PRKG1: variants seen among roughly 807,000 people sequenced by gnomAD.
PRKG1 encodes the protein cGMP-dependent protein kinase 1.
Under a neutral mutation model 88.1 loss-of-function variants are expected in PRKG1, and 35 were observed. That is an observed-to-expected ratio of 0.40 (90% confidence interval 0.30 to 0.53). The LOEUF (loss-of-function observed/expected upper bound fraction) is 0.53, where lower values mean the gene tolerates loss of function less well. Among genes scored for constraint, PRKG1 ranks in the 20% least tolerant of loss-of-function variants. PRKG1 has a pLI of 0.59. For missense variants in PRKG1, 540 were observed against 839.8 expected, an observed-to-expected ratio of 0.64 and a Z score of 4.41; for synonymous variants, 303 against 292.5, an observed-to-expected ratio of 1.04 and a Z score of -0.37.
At chr10:51,362,107 G>A (rs866888787) in intron 2 of PRKG1, among the ~76,000 whole-genome samples, 26 of 151,736 alleles carry the variant, frequency 1.7e-4, no homozygotes, top group Non-Finnish European at 2.9e-4. Flanking sequence ...TAATTGGCAT[G>A]CAACTGAAAG....
In PRKG1 at chr10:51,639,436, CAAAAAAAAAAAAAAAAAAAAAAAAA is replaced by C. The variant is rs769304908; in HGVS notation, c.593-165131_593-165107del. On this transcript the variant is annotated intron_variant, in intron 3 of 17. Coordinates refer to ENST00000373980, the MANE Select transcript of PRKG1 (RefSeq NM_006258.4). Reference sequence around the variant, plus strand: ...GCGGCGACAGAGCCAGACTCCATCTCAAAAAAAAAAAAAAAAAAAAAAAAAAAAAAAAAAAAAAAAAAGACATGAG... The same window carrying C: ...GCGGCGACAGAGCCAGACTCCATCTCAAAAAAAAAAAAAAAAAGACATGAG... Among the ~76,000 whole-genome samples, 233 of 31,804 alleles carry C rather than the reference CAAAAAAAAAAAAAAAAAAAAAAAAA, an allele frequency of 7.3e-3. 4 individuals are homozygous for C. In the South Asian group the frequency reaches 0.1, roughly 14 times the overall value. 20.9% of individuals were successfully genotyped at this position (31,804 alleles called of 152,430 possible).
chr10:51,876,044 T>C (rs1207507499), intron 4 of PRKG1, among the ~76,000 whole-genome samples: 1 of 152,180 alleles, frequency 6.6e-6, no homozygotes, highest in Non-Finnish European at 1.5e-5. Context: ...TTGTAAACTT[T>C]TCTGTTTTCC....
At chr10:51,930,993 C>T (rs2133003837) in intron 5 of PRKG1, among the ~76,000 whole-genome samples, 1 of 152,266 alleles carries the variant, frequency 6.6e-6, no homozygotes, top group East Asian at 1.9e-4. Flanking sequence ...CTGTCCTCAG[C>T]ATTGGTGACT....
Position 51,763,426 on chromosome 10 carries a change from A to T in PRKG1, c.593-41159A>T, listed in dbSNP as rs116500777. Reference sequence around the variant, plus strand: ...AATTTAAAAACTACACAGCTAATTTAAAAAAAATTTTTATAGAGGTCTTGC... The same window carrying T: ...AATTTAAAAACTACACAGCTAATTTTAAAAAAATTTTTATAGAGGTCTTGC... On this transcript the variant is annotated intron_variant, in intron 3 of 17. Transcript: ENST00000373980. Among the ~76,000 whole-genome samples, 471 of 151,646 alleles carry T rather than the reference A, an allele frequency of 3.1e-3. 3 individuals are homozygous for T. The highest frequency in any genetic ancestry group is 0.011 in the African/African-American group (440 of 41,318).
At chr10:51,375,039 G>A (rs1407903765) in intron 2 of PRKG1, among the ~76,000 whole-genome samples, 3 of 152,064 alleles carry the variant, frequency 2.0e-5, no homozygotes, top group Non-Finnish European at 2.9e-5. Flanking sequence ...ATTAGGTAAC[G>A]TAATCATTGA....
chr10:51,728,663 G>T (rs984327826), intron 3 of PRKG1, among the ~76,000 whole-genome samples: 2 of 152,004 alleles, frequency 1.3e-5, no homozygotes, highest in African/African-American at 2.4e-5. Context: ...TGTTATATAA[G>T]TATCAGCTAT....
intron 9 of PRKG1, among the ~76,000 whole-genome samples, chr10:52,204,161 C>T (rs1049555960): frequency 6.6e-6 from 1 of 151,782 alleles, no homozygotes; most frequent in African/African-American, 2.4e-5. Context: ...AGTGCAGTGG[C>T]ATAATCTCGG....
At chr10:51,411,519 C>T (rs545763145) in intron 2 of PRKG1, among the ~76,000 whole-genome samples, 27 of 152,214 alleles carry the variant, frequency 1.8e-4, no homozygotes, top group Admixed American at 1.1e-3. Context: ...GGGAGAATAA[C>T]GGATAATGGC....
At chr10:51,418,530 C>A (rs961867173) in intron 2 of PRKG1, among the ~76,000 whole-genome samples, 5 of 152,134 alleles carry the variant, frequency 3.3e-5, no homozygotes, top group African/African-American at 4.8e-5. Context: ...ATATCTAGTT[C>A]TTGGAAGCCC....
intron 5 of PRKG1, among the ~76,000 whole-genome samples, chr10:52,037,045 G>A (rs559811805): frequency 6.6e-5 from 10 of 152,380 alleles, no homozygotes; most frequent in African/African-American, 1.4e-4. Flanking sequence ...CCGCTAAGCC[G>A]AGAAGATCTG....
chr10:51,820,455 A>C (rs1839712326), intron 4 of PRKG1, among the ~76,000 whole-genome samples: 1 of 152,116 alleles, frequency 6.6e-6, no homozygotes, highest in Admixed American at 6.5e-5. Context: ...CATCTTGAGC[A>C]CCTGTTGTGT....
At chr10:51,225,165 G>A (rs906125851) in intron 2 of PRKG1, among the ~76,000 whole-genome samples, 1 of 152,108 alleles carries the variant, frequency 6.6e-6, no homozygotes, top group African/African-American at 2.4e-5. Context: ...GGAGGCGCTG[G>A]CGTATTTAGT....
chr10:51,930,747 T>C (rs1208016414), intron 5 of PRKG1, among the ~76,000 whole-genome samples: 1 of 152,074 alleles, frequency 6.6e-6, no homozygotes, highest in East Asian at 1.9e-4. Flanking sequence ...TGCCTCAGCC[T>C]CTCAAAGTGG....
chr10:51,824,001 G>A (rs1839821112), intron 4 of PRKG1, among the ~76,000 whole-genome samples: 3 of 150,616 alleles, frequency 2.0e-5, no homozygotes, highest in South Asian at 4.2e-4. Context: ...AGCCTAACGA[G>A]TAGCTAGGAC....
chr10:51,124,080 G>A (rs571501927), intron 1 of PRKG1, among the ~76,000 whole-genome samples: 79 of 152,138 alleles, frequency 5.2e-4, no homozygotes, highest in African/African-American at 1.8e-3. Flanking sequence ...ATTGGATGGG[G>A]ACAGAGATCC....
intron 2 of PRKG1, among the ~76,000 whole-genome samples, chr10:51,410,364 C>A (rs1046296557): frequency 4.0e-5 from 6 of 151,354 alleles, no homozygotes; most frequent in Non-Finnish European, 7.4e-5. Flanking sequence ...AGCTGAGGAG[C>A]AAGGAGAGCC....
chr10:51,075,441 A>T (rs1843924248), intron 1 of PRKG1, among the ~76,000 whole-genome samples: 1 of 152,254 alleles, frequency 6.6e-6, no homozygotes. Flanking sequence ...AAACATAAGC[A>T]AATAGGCATA....
At chr10:51,537,364 G>A (rs577404010) in intron 3 of PRKG1, among the ~76,000 whole-genome samples, 26 of 152,242 alleles carry the variant, frequency 1.7e-4, no homozygotes, top group African/African-American at 6.0e-4. Context: ...CTATCATACT[G>A]CCTCTGTTGG....
rs142759685 is a variant in PRKG1, at chr10:51,220,575, C to T, written c.478+67245C>T. Among the ~76,000 whole-genome samples, 24 of 152,020 alleles carry T rather than the reference C, an allele frequency of 1.6e-4. No individual in the cohort carries two copies. The East Asian group carries it at 1.9e-3, about 12-fold the overall frequency. On this transcript the variant is annotated intron_variant, in intron 2 of 17. Coordinates refer to ENST00000373980, the MANE Select transcript of PRKG1 (RefSeq NM_006258.4). ...CACCAGTATTAGTGACAGCAATTAC[C>T]ATTATACCAAGAGTATGGAGCTATA...
Sources: gnomAD v4.1 joint callset for allele counts (sites outside exome capture counted in the v4.1 genomes callset) on GRCh38, gnomAD v4.1.1 for gene constraint, MANE v1.5 for transcripts, NCBI Gene and HGNC (gene_info 2026-07-23, HGNC 2026-07-21) for gene names.